Variants in LRP4 observed in about 807,000 individuals in gnomAD.
The protein encoded by LRP4 is low-density lipoprotein receptor-related protein 4.
In LRP4, 95 loss-of-function variants were observed where a neutral mutation model predicts 220.3. That is an observed-to-expected ratio of 0.43 (90% CI 0.37 to 0.51). The LOEUF (loss-of-function observed/expected upper bound fraction) is 0.51, where lower values mean the gene tolerates loss of function less well. Ranked by LOEUF, LRP4 falls within the 20% of genes least tolerant of loss-of-function variation. LRP4 has a pLI of 0.00. For missense variants in LRP4, 1,925 were observed against 2,567.0 expected (o/e 0.75, Z 5.40); for synonymous variants, 903 against 954.6 (o/e 0.95, Z 1.00).
chr11:46,884,057 T>C, intron 18 of LRP4, 81 bp from the exon 19 acceptor site: 2 of 1,096,770 alleles, frequency 1.8e-6, no homozygotes, highest in Non-Finnish European at 2.8e-6. Context: ...AAGAGCCTGG[T>C]ATGCGCCAGC....
chr11:46,874,416 C>A (rs908107905), intron 28 of LRP4: 8 of 189,972 alleles, frequency 4.2e-5, no homozygotes, highest in Non-Finnish European at 6.6e-5. Flanking sequence ...TTGTAAACCA[C>A]CATAAGACTT....
chr11:46,861,522 A>ATTTTTTTT (rs1565773314), intron 37 of LRP4, among the ~76,000 whole-genome samples: 1 of 38,132 alleles, frequency 2.6e-5, no homozygotes, highest in South Asian at 1.7e-3. Flanking sequence ...TGGAAATGGG[A>ATTTTTTTT]CTTTTTTTTT....
In LRP4 at chr11:46,886,074, G is replaced by T. The variant is rs376349760; in HGVS notation, c.2506+17C>A. ...AATCCCAGGGAGCCAGGCAGGCCAC[G>T]GCTCCCCTATGCATACCTGCATCTG... On this transcript the variant is annotated intron_variant, in intron 18 of 37. Transcript: ENST00000378623. The T allele has an allele frequency of 6.2e-7, 1 of 1,611,132 alleles. No homozygotes were observed. Among genetic ancestry groups the T allele is most frequent in the Non-Finnish European group, 8.5e-7 (1 of 1,177,864 alleles).
At chr11:46,864,108 C>T (rs943848713) in intron 36 of LRP4, among the ~76,000 whole-genome samples, 1 of 152,120 alleles carries the variant, frequency 6.6e-6, no homozygotes, top group African/African-American at 2.4e-5. Context: ...TGGTTTGAAG[C>T]AGGGAGTACT....
At chr11:46,882,438 C>T (rs1941182718) in intron 19 of LRP4, among the ~76,000 whole-genome samples, 1 of 150,638 alleles carries the variant, frequency 6.6e-6, no homozygotes, top group Non-Finnish European at 1.5e-5. Flanking sequence ...GACTGGGCCA[C>T]TGCACTCCAG....
At chr11:46,859,967 G>T (rs2134752817) in intron 37 of LRP4, among the ~76,000 whole-genome samples, 1 of 152,242 alleles carries the variant, frequency 6.6e-6, no homozygotes, top group South Asian at 2.1e-4. Flanking sequence ...GGGCGTGGTG[G>T]CTTACACCTG....
Position 46,862,899 on chromosome 11 carries a change from G to C in LRP4, c.5244-152C>G, listed in dbSNP as rs75787294. On this transcript the variant is annotated intron_variant, in intron 36 of 37. Coordinates refer to ENST00000378623, the MANE Select transcript of LRP4 (RefSeq NM_002334.4). ...ATGCCCTTAAGAATCCCCTCCCCTT[G>C]AGTGTGGACTGTTCTGGTGACTTAC... 18 of 702,372 alleles carry C rather than the reference G, an allele frequency of 2.6e-5. No homozygotes were observed. In the East Asian group the frequency reaches 4.9e-4, roughly 19 times the overall value. The allele number at this position is 702,372 out of a possible 1,614,324, so 43.5% of individuals were successfully genotyped here.
chr11:46,871,653 A>G lies in LRP4; in HGVS notation c.4584-20T>C. ...TAGATCCTGCGAAGAAAATGAAAAG[A>G]GTGGCTGCTCCAAACGCTTGCCAGG... On this transcript the variant is annotated intron_variant, in intron 30 of 37. Transcript: ENST00000378623. The G allele has an allele frequency of 6.5e-7, 1 of 1,537,466 alleles. No homozygotes were observed. Among genetic ancestry groups the G allele is most frequent in the Non-Finnish European group, 8.9e-7 (1 of 1,118,894 alleles).
Position 46,898,956 on chromosome 11 carries a change from G to A in LRP4, c.624C>T (p.Tyr208=), listed in dbSNP as rs1448580621. Residue 208 remains tyrosine (Y), a synonymous_variant, in exon 6 of 38, where the codon TAC becomes TAT. Transcript: ENST00000378623. ...CAYGRCILDI[Y]HCDGDDDCGD... ...CACAGTCATCGTCGCCATCGCAGTGGTAGATGTCGAGGATGCAGCGTCCAT... is the reference window on the plus strand; with the variant it reads ...CACAGTCATCGTCGCCATCGCAGTGATAGATGTCGAGGATGCAGCGTCCAT... The A allele has an allele frequency of 2.5e-6, 4 of 1,613,812 alleles. No homozygotes were observed. Among genetic ancestry groups the A allele is most frequent in the Middle Eastern group, 1.6e-4 (1 of 6,062 alleles).
Position 46,896,004 on chromosome 11 carries a change from C to T in LRP4, c.1063G>A (p.Glu355Lys), listed in dbSNP as rs1446754894. 1.9e-6 allele frequency: 3 copies of T among 1,614,166 alleles called. No individual in the cohort carries two copies. The Admixed American group carries it at 5.0e-5, about 27-fold the overall frequency. Reference protein sequence around the residue: ...PQQNCRPRTGEENCNVNNGGC... With the variant: ...PQQNCRPRTGKENCNVNNGGC... The stretch of plus-strand genomic sequence containing the variant: ...CCGTTGTTAACATTGCAGTTCTCCT[C>T]ACCCGTCCGGGGCCCTGTGCCAGCC... Residue 355 changes from glutamate (E) to lysine (K), a missense_variant, in exon 10 of 38, where the codon GAG becomes AAG. Physicochemically the swap from Glu to Lys is moderately conservative, Grantham distance 56 (BLOSUM62 1). Coordinates refer to ENST00000378623, the MANE Select transcript of LRP4 (RefSeq NM_002334.4).
chr11:46,899,629 G>A lies in LRP4; in HGVS notation c.431-126C>T. The stretch of plus-strand genomic sequence containing the variant: ...CCTAGCCCCCGAAAGGCACCCCAGA[G>A]TCAGTGCAGACTCTCCAGGGAGAAC... On this transcript the variant is annotated intron_variant, in intron 4 of 37. Transcript: ENST00000378623. The surrounding 1 kb of genome is among the most constrained non-coding windows in gnomAD (Gnocchi z 5.9). The A allele has an allele frequency of 1.3e-6, 1 of 790,798 alleles. No homozygotes were observed. The highest frequency in any genetic ancestry group is 1.8e-5 in the Admixed American group (1 of 56,604). 49.0% of individuals were successfully genotyped at this position (790,798 alleles called of 1,614,324 possible).
intron 18 of LRP4, among the ~76,000 whole-genome samples, chr11:46,885,737 G>A (rs995744079): frequency 8.2e-5 from 11 of 134,352 alleles, no homozygotes; most frequent in Non-Finnish European, 1.4e-4. Context: ...TCGCACCACT[G>A]CACTCCAGCC....
At chr11:46,894,955 A>G (rs1592540814) in intron 11 of LRP4, 136 bp from the exon 12 acceptor site, 2 of 1,028,422 alleles carry the variant, frequency 1.9e-6, no homozygotes, top group African/African-American at 3.1e-5. Flanking sequence ...CAGTACCAGA[A>G]GAGTGGCAAC....
At chr11:46,898,103 G>A (rs1477561853) in intron 7 of LRP4, among the ~76,000 whole-genome samples, 3 of 150,042 alleles carry the variant, frequency 2.0e-5, no homozygotes, top group Non-Finnish European at 4.5e-5. Context: ...GCGGGGGGCT[G>A]ACCCCCCCAC....
intron 13 of LRP4, among the ~76,000 whole-genome samples, chr11:46,892,123 A>T (rs973246356): frequency 2.0e-5 from 3 of 151,950 alleles, no homozygotes; most frequent in African/African-American, 7.3e-5. Flanking sequence ...TGTAGAGATG[A>T]GGCCACACTA....
At chr11:46,898,159 T>C (rs1401187697) in intron 7 of LRP4, among the ~76,000 whole-genome samples, 1 of 151,660 alleles carries the variant, frequency 6.6e-6, no homozygotes, top group Non-Finnish European at 1.5e-5. Flanking sequence ...GGCTCCTCAC[T>C]TCCCAGTAGG....
intron 34 of LRP4, among the ~76,000 whole-genome samples, chr11:46,866,086 C>A (rs540841500): frequency 6.6e-6 from 1 of 151,042 alleles, no homozygotes; most frequent in Non-Finnish European, 1.5e-5. Context: ...GTGTTAACTA[C>A]CTTGTAAGCT....
In LRP4 at chr11:46,876,490, G is replaced by T. The variant is rs1332936896; in HGVS notation, c.3512C>A (p.Ala1171Asp). The change falls in exon 25 of 38, where the codon GCC (alanine) becomes GAC (aspartate). Residue 1171 changes from alanine (A) to aspartate (D), a missense_variant. Transcript: ENST00000378623. ...CCCCATCTCATGGTACAGTACGATGGCCCGGGGACTGTCAAGGTTCTGCCA... is the reference window on the plus strand; with the variant it reads ...CCCCATCTCATGGTACAGTACGATGTCCCGGGGACTGTCAAGGTTCTGCCA... ...LVWQNLDSPR[A>D]IVLYHEMGFM... The T allele has an allele frequency of 6.2e-7, 1 of 1,614,044 alleles. No homozygotes were observed. Among genetic ancestry groups the T allele is most frequent in the Non-Finnish European group, 8.5e-7 (1 of 1,180,046 alleles).
In LRP4 at chr11:46,875,896, C is replaced by T. The variant is rs752888601; in HGVS notation, c.3607G>A (p.Ala1203Thr). 1.5e-5 allele frequency: 24 copies of T among 1,613,986 alleles called. No homozygotes were observed. Among genetic ancestry groups the T allele is most frequent in the Middle Eastern group, 1.6e-4 (1 of 6,084 alleles). Residue 1203 changes from alanine to threonine, a missense_variant, in exon 26 of 38, where the codon GCG becomes ACG. Ala to Thr is a moderately conservative substitution (Grantham distance 58). Around this residue, in one of 3 missense-constraint regions of LRP4, gnomAD observed 1,244 missense variants for 1,624.9 expected, o/e 0.77. Coordinates refer to ENST00000378623, the MANE Select transcript of LRP4 (RefSeq NM_002334.4). This position sits in a 1 kb window ranked among gnomAD's most constrained non-coding sequence, Gnocchi z 4.5. Reference sequence around the variant, plus strand: ...CCTAGGTTGTTGTTGATGAGCACCGCGCGGTCTGAGCCATCCATTCCGGAC... The same window carrying T: ...CCTAGGTTGTTGTTGATGAGCACCGTGCGGTCTGAGCCATCCATTCCGGAC... Reference protein sequence around the residue: ...ERSGMDGSDRAVLINNNLGWP... With the variant: ...ERSGMDGSDRTVLINNNLGWP...
Sources: allele counts gnomAD v4.1 joint callset (sites outside exome capture counted in the v4.1 genomes callset), GRCh38; gene constraint gnomAD v4.1.1; regional missense constraint gnomAD v4.1.1; non-coding constraint Gnocchi (gnomAD v3.1); transcripts MANE v1.5; gene names NCBI Gene and HGNC (gene_info 2026-07-23, HGNC 2026-07-21).